The following NR2C1 variants were observed in gnomAD, a reference collection of about 807,000 sequenced individuals.
NR2C1 encodes TR2 nuclear hormone receptor.
A neutral mutation model predicts 74.8 loss-of-function variants in NR2C1; 33 were observed. The ratio of observed to expected loss-of-function variants is 0.44; its 90% CI spans 0.33 to 0.59. The LOEUF (loss-of-function observed/expected upper bound fraction) is 0.59. NR2C1 is among the 20% of genes least tolerant of loss of function. The pLI, the probability that NR2C1 is intolerant of heterozygous loss-of-function variation, is 0.02. For missense variants in NR2C1, 568 were observed against 715.6 expected (o/e 0.79, Z 2.35); for synonymous variants, 225 against 240.6 (o/e 0.94, Z 0.60).
intron 12 of NR2C1, among the ~76,000 whole-genome samples, chr12:95,027,343 C>T (rs1224611771): frequency 6.6e-6 from 1 of 152,228 alleles, no homozygotes; most frequent in Non-Finnish European, 1.5e-5. Context: ...GCATGAGCTA[C>T]TGCGCCCTGC....
chr12:95,071,324 C>T (rs1369330784), intron 1 of NR2C1, among the ~76,000 whole-genome samples: 1 of 152,116 alleles, frequency 6.6e-6, no homozygotes, highest in Non-Finnish European at 1.5e-5. Context: ...TCTGTTAACT[C>T]CTAATACTGT....
In NR2C1 at chr12:95,060,122, CTT is replaced by C. The variant is rs546945011; in HGVS notation, c.286-140_286-139del. On this transcript the variant is annotated intron_variant, in intron 3 of 13. Coordinates refer to ENST00000333003, the MANE Select transcript of NR2C1 (RefSeq NM_003297.4). The stretch of plus-strand genomic sequence containing the variant: ...TTCTTTTTCACAAGTTATTTTTAAA[CTT>C]TGTACTCTATGAAGAGCTCAGAACC... 3.0e-4 allele frequency: 210 copies of C among 696,412 alleles called. 1 individual carries two copies. The African/African-American group carries it at 3.5e-3, about 12-fold the overall frequency. The allele number at this position is 696,412 out of a possible 1,614,324, so 43.1% of individuals were successfully genotyped here.
intron 12 of NR2C1, among the ~76,000 whole-genome samples, chr12:95,026,362 C>T (rs1290998727): frequency 6.6e-6 from 1 of 151,792 alleles, no homozygotes; most frequent in Non-Finnish European, 1.5e-5. Context: ...ATAACAGAAA[C>T]ATGAAAAAAT....
intron 4 of NR2C1, among the ~76,000 whole-genome samples, chr12:95,059,634 C>T (rs1874441969): frequency 1.3e-5 from 2 of 152,154 alleles, no homozygotes; most frequent in Non-Finnish European, 2.9e-5. Flanking sequence ...TTTCTTGAAT[C>T]CAGGAGGTAG....
chr12:95,073,294 C>A (rs1877022850), intron 1 of NR2C1, 86 bp downstream of exon 1: 1 of 152,296 alleles, frequency 6.6e-6, no homozygotes, highest in African/African-American at 2.4e-5. Flanking sequence ...GCGCTGGGAC[C>A]GCGTCCGTTG....
At chr12:95,024,574 A>C (rs1331139260) in intron 13 of NR2C1, among the ~76,000 whole-genome samples, 1 of 152,208 alleles carries the variant, frequency 6.6e-6, no homozygotes, top group Non-Finnish European at 1.5e-5. Context: ...AATTAATTAT[A>C]AAACAATCTA....
chr12:95,049,261 C>G, intron 8 of NR2C1, 28 bp from the exon 9 acceptor site: 1 of 1,588,992 alleles, frequency 6.3e-7, no homozygotes, highest in Non-Finnish European at 8.6e-7. Context: ...AAGCTATGAG[C>G]TTGACCAAAC....
At chr12:95,069,852 T>TAA (rs62953662) in intron 1 of NR2C1, among the ~76,000 whole-genome samples, 8 of 150,768 alleles carry the variant, frequency 5.3e-5, no homozygotes, top group African/African-American at 1.5e-4. Context: ...CTCAACCTTA[T>TAA]AAAAAAAAAG....
At chr12:95,059,708 CACAA>C (rs754970415) in intron 4 of NR2C1, among the ~76,000 whole-genome samples, 194 bp downstream of exon 4, 1 of 152,106 alleles carries the variant, frequency 6.6e-6, no homozygotes, top group African/African-American at 2.4e-5. Flanking sequence ...GACTCTATAT[CACAA>C]ACAAAGAACT....
At chr12:95,025,045 G>T in intron 13 of NR2C1, 105 bp downstream of exon 13, 1 of 533,736 alleles carries the variant, frequency 1.9e-6, no homozygotes, top group Non-Finnish European at 3.2e-6. Context: ...TCAAAGTTAA[G>T]GTTGCCTAAA....
Position 95,020,994 on chromosome 12 carries a change from TATG to T in NR2C1, c.*1232_*1234del, listed in dbSNP as rs1369564409. On this transcript the variant is annotated 3_prime_UTR_variant, in exon 14 of 14. Transcript: ENST00000333003. ...ACTTGCCTTGAGAACATGTACTGGC[TATG>T]ATAAATCCATTATTTGACATATTGG... 3 of 152,196 alleles carry T rather than the reference TATG, an allele frequency of 2.0e-5. No homozygotes were observed. Among genetic ancestry groups the T allele is most frequent in the Admixed American group, 2.0e-4 (3 of 15,284 alleles). The allele number at this position is 152,196 out of a possible 1,614,324, so 9.4% of individuals were successfully genotyped here.
chr12:95,069,582 T>A (rs188145449), intron 1 of NR2C1, among the ~76,000 whole-genome samples: 4 of 152,226 alleles, frequency 2.6e-5, no homozygotes, highest in Admixed American at 2.6e-4. Context: ...GTATGCTCTA[T>A]GATGTTCATC....
Position 95,059,985 on chromosome 12 carries a change from C to CAA in NR2C1, c.286-2_286-1insTT. The CAA allele has an allele frequency of 2.0e-6, 2 of 985,186 alleles. No individual in the cohort carries two copies. Among genetic ancestry groups the CAA allele is most frequent in the Non-Finnish European group, 2.7e-6 (2 of 729,066 alleles). The allele number at this position is 985,186 out of a possible 1,614,324, so 61.0% of individuals were successfully genotyped here. A position where few individuals can be genotyped will look rare whatever the true frequency, so the allele number is the denominator to read the frequency against. ...GGTCTGGAGAATTATCTGTTAGGAGCTAAAAAAAAAAAAAAAAAAAAAGAA... is the reference window on the plus strand; with the variant it reads ...GGTCTGGAGAATTATCTGTTAGGAGCAATAAAAAAAAAAAAAAAAAAAAAGAA... On this transcript the variant is annotated splice_acceptor_variant, in intron 3 of 13. Coordinates refer to ENST00000333003, the MANE Select transcript of NR2C1 (RefSeq NM_003297.4). LOFTEE classifies it high-confidence loss of function.
intron 4 of NR2C1, 59 bp from the exon 5 acceptor site, chr12:95,058,548 A>G (rs781470726): frequency 1.4e-5 from 19 of 1,372,580 alleles, no homozygotes; most frequent in Non-Finnish European, 1.9e-5. Flanking sequence ...CAGAAATGAC[A>G]TAAGCCAATT....
At chr12:95,059,856 T>C (rs1263001179) in intron 4 of NR2C1, 50 bp downstream of exon 4, 5 of 1,303,680 alleles carry the variant, frequency 3.8e-6, no homozygotes, top group African/African-American at 1.5e-5. Flanking sequence ...ACGACACATA[T>C]AGGAGGTTAT....
chr12:95,030,768 A>G, intron 11 of NR2C1: 1 of 1,611,192 alleles, frequency 6.2e-7, no homozygotes, highest in Non-Finnish European at 8.5e-7. Context: ...CCATTTGTTG[A>G]TGGGGCACTG....
chr12:95,056,129 A>C (rs912307079), intron 7 of NR2C1, among the ~76,000 whole-genome samples: 1 of 151,304 alleles, frequency 6.6e-6, no homozygotes, highest in Non-Finnish European at 1.5e-5. Flanking sequence ...AGCCAGGCAC[A>C]GTGTCACGTG....
chr12:95,037,682 TGAG>T (rs1467588473), intron 10 of NR2C1, among the ~76,000 whole-genome samples: 2 of 151,900 alleles, frequency 1.3e-5, no homozygotes, highest in East Asian at 3.9e-4. Context: ...GATCACGAGG[TGAG>T]GAGATCGAGA....
chr12:95,057,794 C>A lies in NR2C1; in HGVS notation c.629G>T (p.Arg210Leu). ...CAASTEKIYI[R>L]KDLRSPLTAT... is the part of the protein sequence containing the mutation. Reference sequence around the variant, plus strand: ...AGTTAATGGGCTACGAAGGTCCTTTCGGATATAGATTTTTTCTGTTGAAGC... The same window carrying A: ...AGTTAATGGGCTACGAAGGTCCTTTAGGATATAGATTTTTTCTGTTGAAGC... Residue 210 changes from arginine to leucine, a missense_variant, in exon 6 of 14, where the codon CGA becomes CTA. Around this residue, in one of 6 missense-constraint regions of NR2C1, gnomAD observed 239 missense variants for 232.3 expected, o/e 1.03. Transcript: ENST00000333003. 1 of 1,614,092 alleles carries A rather than the reference C, an allele frequency of 6.2e-7. No individual in the cohort carries two copies. Among genetic ancestry groups the A allele is most frequent in the Non-Finnish European group, 8.5e-7 (1 of 1,179,996 alleles).
Sources: gnomAD v4.1 joint callset for allele counts (sites outside exome capture counted in the v4.1 genomes callset) on GRCh38, gnomAD v4.1.1 for gene constraint, gnomAD v4.1.1 regional missense constraint, MANE v1.5 for transcripts, NCBI Gene and HGNC (gene_info 2026-07-23, HGNC 2026-07-21) for gene names.